YAP1: variants seen among roughly 807,000 people sequenced by gnomAD.
YAP1 encodes Yes1 associated transcriptional regulator.
A neutral mutation model predicts 56.9 loss-of-function variants in YAP1; 5 were observed. The observed-to-expected ratio is 0.09, with a 90% CI of 0.05 to 0.18. The LOEUF is 0.18. Among genes scored for constraint, YAP1 ranks in the 10% least tolerant of loss-of-function variants. The pLI is 1.00. For missense variants in YAP1, 539 were observed against 651.8 expected (o/e 0.83, Z 1.88); for synonymous variants, 265 against 248.1 (o/e 1.07, Z -0.64).
At chr11:102,158,143 C>T (rs1480623115) in intron 2 of YAP1, among the ~76,000 whole-genome samples, 2 of 152,034 alleles carry the variant, frequency 1.3e-5, no homozygotes, top group Non-Finnish European at 2.9e-5. Context: ...ATCGGTTTTA[C>T]AAGTTTTTTA....
intron 6 of YAP1, among the ~76,000 whole-genome samples, chr11:102,223,126 T>C (rs1950025011): frequency 6.6e-6 from 1 of 151,778 alleles, no homozygotes; most frequent in Non-Finnish European, 1.5e-5. Context: ...TGCGTGCCTG[T>C]AGTCCCAGCT....
chr11:102,220,153 G>A (rs1240839062), intron 6 of YAP1, among the ~76,000 whole-genome samples: 1 of 151,976 alleles, frequency 6.6e-6, no homozygotes, highest in Non-Finnish European at 1.5e-5. Context: ...GAGCTCAGGT[G>A]TTAAGACCAG....
chr11:102,124,194 C>G (rs1943886112), intron 2 of YAP1, among the ~76,000 whole-genome samples: 1 of 152,058 alleles, frequency 6.6e-6, no homozygotes, highest in Non-Finnish European at 1.5e-5. Flanking sequence ...CTCAAGTGAT[C>G]TGCCTGCCTC....
intron 3 of YAP1, among the ~76,000 whole-genome samples, chr11:102,178,177 AATC>A (rs1947374326): frequency 6.6e-6 from 1 of 152,194 alleles, no homozygotes; most frequent in Admixed American, 6.5e-5. Flanking sequence ...ACAGTTTGTG[AATC>A]ATCATAAATA....
intron 2 of YAP1, among the ~76,000 whole-genome samples, chr11:102,160,018 ATTTTTTTTTTTTT>A (rs34332940): frequency 9.2e-6 from 1 of 109,006 alleles, no homozygotes; most frequent in Non-Finnish European, 1.8e-5. Context: ...TACATAAAGG[ATTTTTTTTTTTTT>A]TTTTTTTTTG....
At chr11:102,117,411 T>A (rs866663312) in intron 2 of YAP1, among the ~76,000 whole-genome samples, 1 of 152,340 alleles carries the variant, frequency 6.6e-6, no homozygotes, top group Middle Eastern at 3.4e-3. Context: ...TATAACTTAT[T>A]GAGATTTATA....
chr11:102,207,644 G>A (rs978784775), intron 5 of YAP1, among the ~76,000 whole-genome samples: 9 of 152,198 alleles, frequency 5.9e-5, no homozygotes, highest in Non-Finnish European at 4.4e-5. Flanking sequence ...GAGTGTCAGT[G>A]AAAATATGTG....
chr11:102,170,095 T>C (rs1946822623), intron 3 of YAP1, among the ~76,000 whole-genome samples: 1 of 152,214 alleles, frequency 6.6e-6, no homozygotes, highest in South Asian at 2.1e-4. Flanking sequence ...ATCATCGCTC[T>C]TGACTTAGCT....
intron 4 of YAP1, among the ~76,000 whole-genome samples, chr11:102,193,462 A>T (rs114951079): frequency 0.012 from 1,833 of 152,286 alleles, 34 homozygotes; most frequent in African/African-American, 0.042. Flanking sequence ...TTATCTAAAA[A>T]TAAATACTTT....
At chr11:102,122,713 G>A (rs1943735172) in intron 2 of YAP1, among the ~76,000 whole-genome samples, 2 of 151,900 alleles carry the variant, frequency 1.3e-5, no homozygotes, top group Admixed American at 6.6e-5. Context: ...GGCCAACATG[G>A]TGAAACCCCA....
At chr11:102,183,002 G>A (rs1262561286) in intron 3 of YAP1, among the ~76,000 whole-genome samples, 2 of 152,176 alleles carry the variant, frequency 1.3e-5, no homozygotes, top group Non-Finnish European at 2.9e-5. Flanking sequence ...AACATTTATT[G>A]AGCAGCTATT....
intron 2 of YAP1, among the ~76,000 whole-genome samples, chr11:102,147,126 C>T (rs1352000666): frequency 1.3e-5 from 2 of 152,150 alleles, no homozygotes; most frequent in Non-Finnish European, 2.9e-5. Flanking sequence ...TAATAAGTGG[C>T]ACACTTAGGA....
intron 2 of YAP1, among the ~76,000 whole-genome samples, chr11:102,151,946 GTA>G (rs1321485403): frequency 6.6e-6 from 1 of 152,192 alleles, no homozygotes; most frequent in Non-Finnish European, 1.5e-5. Flanking sequence ...CATAAGCTGT[GTA>G]TCACAGCTCA....
intron 2 of YAP1, among the ~76,000 whole-genome samples, chr11:102,124,142 G>A (rs558536745): frequency 8.1e-4 from 122 of 151,074 alleles, no homozygotes; most frequent in Admixed American, 2.0e-3. Flanking sequence ...TAGTAGAGGC[G>A]GGGTTTCACC....
At chr11:102,124,760 C>T (rs376222895) in intron 2 of YAP1, among the ~76,000 whole-genome samples, 5 of 151,966 alleles carry the variant, frequency 3.3e-5, no homozygotes, top group African/African-American at 4.8e-5. Context: ...GGGAGGGGGG[C>T]GGTCTCACTC....
chr11:102,229,234 C>G (rs1483240422), intron 8 of YAP1, among the ~76,000 whole-genome samples: 3 of 152,158 alleles, frequency 2.0e-5, no homozygotes, highest in Non-Finnish European at 4.4e-5. Context: ...GGTGCATCTC[C>G]TAAGGGTAGA....
intron 4 of YAP1, among the ~76,000 whole-genome samples, chr11:102,202,377 C>T (rs1276457092): frequency 7.1e-6 from 1 of 140,418 alleles, no homozygotes; most frequent in African/African-American, 2.7e-5. Context: ...GATGGGGTTT[C>T]ACCATGTTAG....
At chr11:102,181,861 G>A (rs529734013) in intron 3 of YAP1, among the ~76,000 whole-genome samples, 13 of 152,242 alleles carry the variant, frequency 8.5e-5, no homozygotes, top group African/African-American at 3.1e-4. Context: ...TCACCCTGTT[G>A]CCCAGGCTGG....
chr11:102,161,345 T>TAC (rs34552492), intron 2 of YAP1, among the ~76,000 whole-genome samples: 12,049 of 141,082 alleles, frequency 0.085, 567 homozygotes, highest in East Asian at 0.16. Flanking sequence ...GTACTTTCAC[T>TAC]ACACACACAC....
Sources: gnomAD v4.1 joint callset for allele counts (sites outside exome capture counted in the v4.1 genomes callset) on GRCh38, gnomAD v4.1.1 for gene constraint, MANE v1.5 for transcripts, NCBI Gene and HGNC (gene_info 2026-07-23, HGNC 2026-07-21) for gene names.